The following FAT3 variants were observed in gnomAD, a reference collection of about 807,000 sequenced individuals.
FAT3 encodes FAT atypical cadherin 3.
FAT3 carries 95 observed loss-of-function variants against 310.2 expected under a neutral mutation model. That is an observed-to-expected ratio of 0.31 (90% CI 0.26 to 0.36). FAT3 has a LOEUF of 0.36. FAT3 is among the 10% of genes least tolerant of loss of function. FAT3 has a pLI of 1.00. For synonymous variants in FAT3, 2,314 were observed against 2,192.9 expected, an observed-to-expected ratio of 1.06 and a Z score of -1.54; for missense variants, 5,408 against 5,715.6, an observed-to-expected ratio of 0.95 and a Z score of 1.74.
chr11:92,567,839 G>C (rs1440599838), intron 3 of FAT3, among the ~76,000 whole-genome samples: 1 of 142,814 alleles, frequency 7.0e-6, no homozygotes, highest in Non-Finnish European at 1.5e-5. Context: ...TGAACAATGA[G>C]AACACATGGA....
intron 3 of FAT3, among the ~76,000 whole-genome samples, chr11:92,650,295 T>A (rs1942328909): frequency 6.6e-6 from 1 of 152,178 alleles, no homozygotes; most frequent in African/African-American, 2.4e-5. Context: ...AACTTCCTGA[T>A]GACATGAGTC....
rs142645202 is a variant in FAT3 at position 92,822,705 on chromosome 11, A to G, written c.9482-8917A>G. 3.3e-5 allele frequency among the ~76,000 whole-genome samples: 5 copies of G among 152,266 alleles called. No individual in the cohort carries two copies. In the East Asian group the frequency reaches 9.6e-4, roughly 29 times the overall value. ...CAATCTTTCTTTTTCTCTTTCTGCT[A>G]ATTTATCCATTAACTTAGGCCCAGT... On this transcript the variant is annotated intron_variant, in intron 13 of 27. Coordinates refer to ENST00000525166, the MANE Select transcript of FAT3 (RefSeq NM_001367949.2).
intron 2 of FAT3, among the ~76,000 whole-genome samples, chr11:92,431,612 C>T (rs1950781461): frequency 6.6e-6 from 1 of 152,178 alleles, no homozygotes; most frequent in African/African-American, 2.4e-5. Flanking sequence ...ATGGTATTGC[C>T]TAGGTTTTCT....
chr11:92,372,968 A>T (rs1165177379), intron 2 of FAT3, among the ~76,000 whole-genome samples: 1 of 151,988 alleles, frequency 6.6e-6, no homozygotes, highest in Non-Finnish European at 1.5e-5. Flanking sequence ...CCAGCAAACG[A>T]TTTTTTAAAA....
intron 1 of FAT3, among the ~76,000 whole-genome samples, chr11:92,280,499 G>T (rs1362261679): frequency 1.3e-5 from 2 of 152,166 alleles, no homozygotes; most frequent in Non-Finnish European, 2.9e-5. Context: ...TCCTGCTTAA[G>T]GTAATTTTTT....
rs149687272 is a variant in FAT3, at chr11:92,236,679, G to A, written c.-18+11505G>A. ...ATCTGTGTTTATTAAAAATTGGCTC[G>A]GAGGTACACTGCACATAATTCATAA... On this transcript the variant is annotated intron_variant, in intron 1 of 27. Coordinates refer to ENST00000525166, the MANE Select transcript of FAT3 (RefSeq NM_001367949.2). 1.4e-4 allele frequency among the ~76,000 whole-genome samples: 21 copies of A among 152,160 alleles called. 1 individual carries two copies. The East Asian group carries it at 2.9e-3, about 21-fold the overall frequency.
At chr11:92,697,025 G>A (rs755571672) in intron 3 of FAT3, among the ~76,000 whole-genome samples, 1 of 152,082 alleles carries the variant, frequency 6.6e-6, no homozygotes, top group African/African-American at 2.4e-5. Context: ...CCTATTAATT[G>A]TTCAGGAACT....
chr11:92,496,590 C>T (rs1248885162), intron 2 of FAT3, among the ~76,000 whole-genome samples: 1 of 151,962 alleles, frequency 6.6e-6, no homozygotes, highest in East Asian at 1.9e-4. Context: ...TGGGGTTGCT[C>T]TATGTGCTGC....
chr11:92,806,075 G>A (rs1947499667), intron 11 of FAT3, among the ~76,000 whole-genome samples: 2 of 152,200 alleles, frequency 1.3e-5, no homozygotes, highest in South Asian at 4.1e-4. Context: ...TTCCACAAGA[G>A]TGGGGATGTT....
chr11:92,279,381 A>G (rs888223572), intron 1 of FAT3, among the ~76,000 whole-genome samples: 7 of 152,248 alleles, frequency 4.6e-5, no homozygotes, highest in East Asian at 1.9e-4. Context: ...AAGCAGCTTA[A>G]TATCCTTTGT....
chr11:92,879,725 T>TAA (rs144768006), intron 22 of FAT3, among the ~76,000 whole-genome samples: 3 of 151,238 alleles, frequency 2.0e-5, no homozygotes, highest in African/African-American at 7.3e-5. Context: ...AGGTTTGAAA[T>TAA]AAAAAAAAGC....
intron 3 of FAT3, among the ~76,000 whole-genome samples, chr11:92,638,987 C>A (rs182035932): frequency 4.6e-5 from 7 of 152,302 alleles, no homozygotes; most frequent in African/African-American, 1.4e-4. Flanking sequence ...CAAGCATAAT[C>A]AGCCCATTTT....
chr11:92,419,883 G>A (rs553714819), intron 2 of FAT3, among the ~76,000 whole-genome samples: 1 of 152,244 alleles, frequency 6.6e-6, no homozygotes, highest in East Asian at 1.9e-4. Flanking sequence ...TAGGATACTT[G>A]CCATCTTGAG....
At chr11:92,649,824 C>CTTTTCTTAT (rs1942301428) in intron 3 of FAT3, among the ~76,000 whole-genome samples, 1 of 134,356 alleles carries the variant, frequency 7.4e-6, no homozygotes, top group South Asian at 2.4e-4. Context: ...TCTTCATTAT[C>CTTTTCTTAT]TTTTCTTATT....
chr11:92,474,406 C>G (rs543979625), intron 2 of FAT3, among the ~76,000 whole-genome samples: 2 of 152,158 alleles, frequency 1.3e-5, no homozygotes, highest in African/African-American at 4.8e-5. Context: ...CAAGCCACTG[C>G]ACCTAAAATA....
chr11:92,754,731 G>A (rs1260731204), intron 4 of FAT3, among the ~76,000 whole-genome samples: 1 of 150,492 alleles, frequency 6.6e-6, no homozygotes, highest in African/African-American at 2.4e-5. Context: ...AGCTGGGCGT[G>A]GTGGTGTGCA....
At chr11:92,420,405 A>C (rs919957254) in intron 2 of FAT3, among the ~76,000 whole-genome samples, 1 of 152,198 alleles carries the variant, frequency 6.6e-6, no homozygotes, top group Non-Finnish European at 1.5e-5. Context: ...GGCTGAACCA[A>C]GTTTGCATGT....
At chr11:92,594,239 T>C (rs948973046) in intron 3 of FAT3, among the ~76,000 whole-genome samples, 7 of 152,168 alleles carry the variant, frequency 4.6e-5, no homozygotes, top group African/African-American at 1.7e-4. Context: ...GGTCAGGAGT[T>C]CGAGAGCAGC....
chr11:92,676,872 C>G (rs531198277), intron 3 of FAT3, among the ~76,000 whole-genome samples: 1 of 152,314 alleles, frequency 6.6e-6, no homozygotes, highest in East Asian at 1.9e-4. Flanking sequence ...ATTCTCTCAA[C>G]TGGCACTTAT....
Sources: allele counts gnomAD v4.1 joint callset (sites outside exome capture counted in the v4.1 genomes callset), GRCh38; gene constraint gnomAD v4.1.1; transcripts MANE v1.5; gene names NCBI Gene and HGNC (gene_info 2026-07-23, HGNC 2026-07-21).